CDH13: variants seen among roughly 807,000 people sequenced by gnomAD.
CDH13 encodes the protein cadherin-13.
A neutral mutation model predicts 63.8 loss-of-function variants in CDH13; 24 were observed. That is an observed-to-expected ratio of 0.38 (90% confidence interval 0.27 to 0.53). The LOEUF (loss-of-function observed/expected upper bound fraction) is 0.53. CDH13 is among the 20% of genes least tolerant of loss of function. The pLI, the probability that CDH13 is intolerant of heterozygous loss-of-function variation, is 0.85. For missense variants in CDH13, 1,049 were observed against 903.1 expected, an observed-to-expected ratio of 1.16 and a Z score of -2.07; for synonymous variants, 503 against 355.3, an observed-to-expected ratio of 1.42 and a Z score of -4.67.
intron 2 of CDH13, among the ~76,000 whole-genome samples, chr16:83,007,132 G>A (rs1567737944): frequency 6.6e-6 from 1 of 152,068 alleles, no homozygotes; most frequent in South Asian, 2.1e-4. Context: ...ATGTTGGTCA[G>A]GCTGGTCTTG....
rs562284079 is a variant in CDH13, at chr16:83,795,988, A to G, written c.*958A>G. 2 of 152,780 alleles carry G rather than the reference A, an allele frequency of 1.3e-5. No individual in the cohort carries two copies. Among genetic ancestry groups the G allele is most frequent in the Admixed American group, 6.5e-5 (1 of 15,308 alleles). 9.5% of individuals were successfully genotyped at this position (152,780 alleles called of 1,614,324 possible). On this transcript the variant is annotated 3_prime_UTR_variant, in exon 14 of 14. Transcript: ENST00000567109. The stretch of plus-strand genomic sequence containing the variant: ...CCATCTTGTATACACATATATACCC[A>G]CATGTACAGACATACATTTATGCAC...
intron 5 of CDH13, among the ~76,000 whole-genome samples, chr16:83,340,467 G>T (rs1277579951): frequency 6.6e-6 from 1 of 152,166 alleles, no homozygotes; most frequent in Non-Finnish European, 1.5e-5. Context: ...CCTGTTTGGA[G>T]CTTATTTTAT....
chr16:83,546,281 C>T (rs945817481), intron 7 of CDH13, among the ~76,000 whole-genome samples: 1 of 152,074 alleles, frequency 6.6e-6, no homozygotes, highest in Non-Finnish European at 1.5e-5. Context: ...TCTTGGCATC[C>T]CCAGACTCTT....
intron 2 of CDH13, among the ~76,000 whole-genome samples, chr16:83,022,214 A>G (rs893521369): frequency 6.6e-6 from 1 of 152,228 alleles, no homozygotes; most frequent in African/African-American, 2.4e-5. Flanking sequence ...TAGTTGTCAG[A>G]AAGACATTGT....
At chr16:82,933,926 G>C (rs556592951) in intron 2 of CDH13, among the ~76,000 whole-genome samples, 6 of 152,340 alleles carry the variant, frequency 3.9e-5, no homozygotes, top group Non-Finnish European at 8.8e-5. Flanking sequence ...GCTTTGCAGG[G>C]TACAGCCCTC....
chr16:83,560,601 G>A (rs929726239), intron 7 of CDH13, among the ~76,000 whole-genome samples: 3 of 152,212 alleles, frequency 2.0e-5, no homozygotes, highest in Non-Finnish European at 4.4e-5. Flanking sequence ...ACTATTTAGA[G>A]TTTCACTTAA....
chr16:83,266,559 T>A (rs1042040140), intron 5 of CDH13, among the ~76,000 whole-genome samples: 10 of 152,190 alleles, frequency 6.6e-5, no homozygotes, highest in African/African-American at 2.2e-4. Flanking sequence ...CTAACACAGA[T>A]AAAGTCTTCT....
intron 13 of CDH13, among the ~76,000 whole-genome samples, chr16:83,791,235 G>T (rs1319937350): frequency 6.6e-6 from 1 of 152,068 alleles, no homozygotes; most frequent in African/African-American, 2.4e-5. Context: ...GGTGGCTCAC[G>T]TCTGTAATCC....
At chr16:83,744,333 T>C (rs3784985) in intron 10 of CDH13, among the ~76,000 whole-genome samples, 41,757 of 152,112 alleles carry the variant, frequency 0.27, 6,081 homozygotes, top group East Asian at 0.56. Context: ...AGGAGACGTA[T>C]GAGTGGGGTC....
intron 4 of CDH13, among the ~76,000 whole-genome samples, chr16:83,166,549 G>A (rs950075098): frequency 6.6e-6 from 1 of 152,042 alleles, no homozygotes; most frequent in African/African-American, 2.4e-5. Context: ...CAGACTTTCT[G>A]AGCCAGCTTC....
intron 4 of CDH13, among the ~76,000 whole-genome samples, chr16:83,190,940 T>C (rs2038677498): frequency 6.6e-6 from 1 of 151,986 alleles, no homozygotes; most frequent in African/African-American, 2.4e-5. Flanking sequence ...CTCCCGACCA[T>C]TTCTCAGTTG....
chr16:83,278,825 A>G (rs1424170784), intron 5 of CDH13, among the ~76,000 whole-genome samples: 2 of 152,226 alleles, frequency 1.3e-5, no homozygotes, highest in Non-Finnish European at 2.9e-5. Context: ...GGCTGAAAAG[A>G]GAAGCAGTGA....
At chr16:83,207,678 A>G (rs16959801) in intron 4 of CDH13, among the ~76,000 whole-genome samples, 7,143 of 152,060 alleles carry the variant, frequency 0.047, 353 homozygotes, top group African/African-American at 0.12. Context: ...CAAAGGTAGA[A>G]CTGTTATTAG....
chr16:83,032,569 C>T (rs1187599096), intron 3 of CDH13, among the ~76,000 whole-genome samples: 2 of 152,090 alleles, frequency 1.3e-5, no homozygotes, highest in Non-Finnish European at 2.9e-5. Flanking sequence ...CTCCCTGCCT[C>T]CCAAGGTGGA....
intron 11 of CDH13, among the ~76,000 whole-genome samples, chr16:83,758,991 A>G (rs1034367296): frequency 1.9e-4 from 29 of 152,210 alleles, no homozygotes; most frequent in African/African-American, 6.8e-4. Context: ...TCAATGCAAT[A>G]CCATGCAAAG....
At chr16:82,812,327 C>G (rs530073257) in intron 1 of CDH13, among the ~76,000 whole-genome samples, 2 of 152,230 alleles carry the variant, frequency 1.3e-5, no homozygotes, top group East Asian at 3.9e-4. Flanking sequence ...ATAATTGAAG[C>G]TTGCATCCTA....
intron 1 of CDH13, among the ~76,000 whole-genome samples, chr16:82,826,975 C>CCA (rs2038285467): frequency 6.6e-6 from 1 of 152,140 alleles, no homozygotes; most frequent in Non-Finnish European, 1.5e-5. Flanking sequence ...CAGGAAAATG[C>CCA]CACACGGCTG....
chr16:83,503,397 G>A (rs148407249), intron 7 of CDH13, among the ~76,000 whole-genome samples: 34 of 152,256 alleles, frequency 2.2e-4, no homozygotes, highest in African/African-American at 7.9e-4. Flanking sequence ...ATAACAACAC[G>A]CCACATCTAC....
At chr16:83,763,650 G>A (rs959495708) in intron 11 of CDH13, among the ~76,000 whole-genome samples, 1 of 152,174 alleles carries the variant, frequency 6.6e-6, no homozygotes, top group Non-Finnish European at 1.5e-5. Context: ...CATTAGTTAT[G>A]ATGGCAACCC....
Sources: gnomAD v4.1 joint callset for allele counts (sites outside exome capture counted in the v4.1 genomes callset) on GRCh38, gnomAD v4.1.1 for gene constraint, MANE v1.5 for transcripts, NCBI Gene and HGNC (gene_info 2026-07-23, HGNC 2026-07-21) for gene names.